Variants in MBNL1 observed in about 807,000 individuals in gnomAD.
MBNL1 encodes the protein muscleblind-like protein 1.
A neutral mutation model predicts 42.2 loss-of-function variants in MBNL1; 8 were observed. The ratio of observed to expected loss-of-function variants is 0.19; its 90% CI spans 0.11 to 0.34. MBNL1 has a LOEUF of 0.34. MBNL1 is among the 10% of genes least tolerant of loss of function. The probability of loss-of-function intolerance (pLI) is 1.00; values close to 1 mark genes in which losing one functional copy is unlikely to be tolerated. For missense variants in MBNL1, 309 were observed against 495.3 expected (o/e 0.62, Z 3.57); for synonymous variants, 169 against 173.9 (o/e 0.97, Z 0.22).
intron 2 of MBNL1, among the ~76,000 whole-genome samples, chr3:152,337,034 TCATTTC>T (rs2090710578): frequency 6.6e-6 from 1 of 152,240 alleles, no homozygotes; most frequent in African/African-American, 2.4e-5. Context: ...ATTTTCATTT[TCATTTC>T]ATACATATTA....
At chr3:152,277,765 AT>A (rs1445345061) in intron 1 of MBNL1, among the ~76,000 whole-genome samples, 2 of 152,132 alleles carry the variant, frequency 1.3e-5, no homozygotes. Context: ...ATTATGTTTT[AT>A]TTAATATACA....
At chr3:152,375,695 T>C (rs2096868130) in intron 2 of MBNL1, among the ~76,000 whole-genome samples, 1 of 152,134 alleles carries the variant, frequency 6.6e-6, no homozygotes. Flanking sequence ...GATGTGTGCC[T>C]GTAGTCCTAG....
chr3:152,418,142 G>C (rs1289474188), intron 3 of MBNL1, among the ~76,000 whole-genome samples: 1 of 152,124 alleles, frequency 6.6e-6, no homozygotes, highest in Non-Finnish European at 1.5e-5. Flanking sequence ...TACTGCACTT[G>C]GCACTTTTTG....
intron 2 of MBNL1, among the ~76,000 whole-genome samples, chr3:152,356,856 A>AGTGTGTGT (rs59868027): frequency 0.02 from 2,991 of 149,448 alleles, 89 homozygotes; most frequent in African/African-American, 0.065. Context: ...ATATGTGTGT[A>AGTGTGTGT]GTGTGTGTGT....
intron 2 of MBNL1, among the ~76,000 whole-genome samples, chr3:152,411,661 T>C (rs1334440250): frequency 1.3e-5 from 2 of 152,242 alleles, no homozygotes; most frequent in African/African-American, 4.8e-5. Context: ...TCTGTATATG[T>C]GAACTTTAGA....
rs1187079921 is a variant in MBNL1, at chr3:152,463,865, G to A, written c.*1499G>A. ...GTAGTTATAGTATGGAATGGGAGAA[G>A]TGAAAGTTCAGTTATAGAACTTTCC... On this transcript the variant is annotated 3_prime_UTR_variant, in exon 10 of 10. Coordinates refer to ENST00000324210, the MANE Select transcript of MBNL1 (RefSeq NM_021038.5). 6.6e-6 allele frequency: 1 copy of A among 152,522 alleles called. No homozygotes were observed. The highest frequency in any genetic ancestry group is 1.5e-5 in the Non-Finnish European group (1 of 67,956). The allele number at this position is 152,522 out of a possible 1,614,324, so 9.4% of individuals were successfully genotyped here.
chr3:152,295,864 A>G (rs1014549000), intron 1 of MBNL1, among the ~76,000 whole-genome samples: 3 of 152,246 alleles, frequency 2.0e-5, no homozygotes, highest in Non-Finnish European at 2.9e-5. Context: ...ACTCCTCTCC[A>G]GGGGAGATAC....
intron 2 of MBNL1, among the ~76,000 whole-genome samples, chr3:152,370,614 T>G (rs1381282735): frequency 6.6e-6 from 1 of 152,216 alleles, no homozygotes; most frequent in African/African-American, 2.4e-5. Context: ...AGTCTCCTAC[T>G]ATTAATTGGG....
At chr3:152,281,205 T>G (rs994069792) in intron 1 of MBNL1, among the ~76,000 whole-genome samples, 1 of 152,138 alleles carries the variant, frequency 6.6e-6, no homozygotes, top group Non-Finnish European at 1.5e-5. Context: ...AGATTGAGGC[T>G]TGGAAAGATT....
intron 2 of MBNL1, among the ~76,000 whole-genome samples, chr3:152,414,201 T>C (rs1220054619): frequency 1.3e-5 from 2 of 152,262 alleles, no homozygotes; most frequent in East Asian, 1.9e-4. Context: ...TCCTGGCTTA[T>C]AGCAACTTAG....
intron 3 of MBNL1, among the ~76,000 whole-genome samples, chr3:152,421,772 C>G (rs895496534): frequency 3.3e-5 from 5 of 152,092 alleles, no homozygotes; most frequent in African/African-American, 1.2e-4. Context: ...GAGTGAGGGC[C>G]AATATTCAAC....
rs151254397 is a variant in MBNL1, at chr3:152,375,142, C to T, written c.175-39799C>T. ...GGCGTGTGCCACCACACTTACCCAG[C>T]GGAGTTGGGGTTGTTAAGCTACTTT... On this transcript the variant is annotated intron_variant, in intron 2 of 9. Coordinates refer to ENST00000324210, the MANE Select transcript of MBNL1 (RefSeq NM_021038.5). 3.8e-4 allele frequency among the ~76,000 whole-genome samples: 58 copies of T among 152,186 alleles called. 1 individual carries two copies. In the East Asian group the frequency reaches 0.011, roughly 28 times the overall value.
rs575153368 is a variant in MBNL1 at position 152,380,726 on chromosome 3, G to GT, written c.175-34205dup. On this transcript the variant is annotated intron_variant, in intron 2 of 9. Transcript: ENST00000324210. ...CAACTTTAAACATTTCCTATATTGA[G>GT]TTTTTTTTTTAAAAAAGGCACTTCT... Among the ~76,000 whole-genome samples the GT allele has an allele frequency of 1.7e-3, 257 of 149,124 alleles. 1 individual carries two copies. The highest frequency in any genetic ancestry group is 6.8e-3 in the Middle Eastern group (2 of 292).
chr3:152,408,638 A>G (rs780355467), intron 2 of MBNL1, among the ~76,000 whole-genome samples: 6 of 151,812 alleles, frequency 4.0e-5, no homozygotes, highest in African/African-American at 1.5e-4. Context: ...AAAATCTGGT[A>G]TACTAGATAC....
intron 4 of MBNL1, among the ~76,000 whole-genome samples, chr3:152,438,767 C>T (rs986372314): frequency 6.6e-6 from 1 of 152,156 alleles, no homozygotes; most frequent in Non-Finnish European, 1.5e-5. Flanking sequence ...TCATCGTTTA[C>T]TTAATGTATT....
At chr3:152,380,065 A>G (rs2097114866) in intron 2 of MBNL1, among the ~76,000 whole-genome samples, 1 of 152,100 alleles carries the variant, frequency 6.6e-6, no homozygotes, top group South Asian at 2.1e-4. Flanking sequence ...TTTTTATACC[A>G]TTGCTCAGTA....
At chr3:152,327,943 T>C (rs974279006) in intron 2 of MBNL1, among the ~76,000 whole-genome samples, 2 of 152,114 alleles carry the variant, frequency 1.3e-5, no homozygotes, top group African/African-American at 2.4e-5. Flanking sequence ...TAGGACACTG[T>C]ATGTGACAAA....
intron 1 of MBNL1, among the ~76,000 whole-genome samples, chr3:152,283,974 G>A (rs908690881): frequency 4.0e-5 from 6 of 151,772 alleles, no homozygotes; most frequent in Admixed American, 1.3e-4. Context: ...TGTACTTCTC[G>A]CTTCCTTTTT....
chr3:152,455,180 A>G (rs983381168), intron 6 of MBNL1, among the ~76,000 whole-genome samples: 2 of 152,246 alleles, frequency 1.3e-5, no homozygotes, highest in South Asian at 4.1e-4. Context: ...AAAGTCAGAA[A>G]TAGCAAAACG....
Sources: gnomAD v4.1 joint callset for allele counts (sites outside exome capture counted in the v4.1 genomes callset) on GRCh38, gnomAD v4.1.1 for gene constraint, MANE v1.5 for transcripts, NCBI Gene and HGNC (gene_info 2026-07-23, HGNC 2026-07-21) for gene names.